Variants in ZNF26 observed in about 807,000 individuals in gnomAD.
The protein encoded by ZNF26 is epididymis luminal protein 179.
Under a neutral mutation model 54.9 loss-of-function variants are expected in ZNF26, and 32 were observed. The observed-to-expected ratio is 0.58, with a 90% CI of 0.44 to 0.78. The LOEUF is 0.78. ZNF26 is among the 30% of genes least tolerant of loss of function. The pLI, the probability that ZNF26 is intolerant of heterozygous loss-of-function variation, is 0.00. For missense variants in ZNF26, 524 were observed against 634.0 expected, an observed-to-expected ratio of 0.83 and a Z score of 1.86; for synonymous variants, 221 against 209.2, an observed-to-expected ratio of 1.06 and a Z score of -0.49.
At chr12:132,988,146 T>C (rs1186355832) in intron 1 of ZNF26, among the ~76,000 whole-genome samples, 2 of 152,176 alleles carry the variant, frequency 1.3e-5, no homozygotes, top group Non-Finnish European at 2.9e-5. Flanking sequence ...GTAGCTGGGA[T>C]TACAGGCACA....
chr12:132,989,450 A>G (rs1164830522), intron 1 of ZNF26, among the ~76,000 whole-genome samples: 1 of 152,228 alleles, frequency 6.6e-6, no homozygotes, highest in African/African-American at 2.4e-5. Flanking sequence ...AAAATGCTTA[A>G]GACCAGAATT....
At chr12:133,003,497 G>A (rs965495531) in intron 1 of ZNF26, among the ~76,000 whole-genome samples, 1 of 151,696 alleles carries the variant, frequency 6.6e-6, no homozygotes, top group African/African-American at 2.4e-5. Flanking sequence ...CTTGTGATCC[G>A]CCGCCTCGGC....
chr12:133,010,081 C>T, intron 3 of ZNF26, 55 bp from the exon 4 acceptor site: 2 of 1,513,568 alleles, frequency 1.3e-6, no homozygotes, highest in Non-Finnish European at 1.8e-6. Context: ...TGTTTAATTC[C>T]ATATCAGGTT....
In ZNF26 at chr12:133,026,146, G is replaced by C. The variant is rs1953701928; in HGVS notation, c.*14665G>C. On this transcript the variant is annotated 3_prime_UTR_variant, in exon 4 of 4. Transcript: ENST00000328654. Reference sequence around the variant, plus strand: ...TGAGATGCACTCTCACTCTTTCCCAGGCTGGAGTGCAGTGGCACGATCCTG... The same window carrying C: ...TGAGATGCACTCTCACTCTTTCCCACGCTGGAGTGCAGTGGCACGATCCTG... 6.6e-6 allele frequency: 1 copy of C among 151,442 alleles called. No homozygotes were observed. The highest frequency in any genetic ancestry group is 1.5e-5 in the Non-Finnish European group (1 of 67,984). The allele number at this position is 151,442 out of a possible 1,614,324, so 9.4% of individuals were successfully genotyped here. A position where few individuals can be genotyped will look rare whatever the true frequency, so the allele number is the denominator to read the frequency against.
intron 3 of ZNF26, among the ~76,000 whole-genome samples, chr12:133,009,085 C>T (rs1225516898): frequency 6.6e-6 from 1 of 152,130 alleles, no homozygotes; most frequent in African/African-American, 2.4e-5. Flanking sequence ...CAGGCACCTC[C>T]CACCAGGCCC....
At chr12:132,995,421 CT>C (rs1183107110) in intron 1 of ZNF26, 1 of 150,006 alleles carries the variant, frequency 6.7e-6, no homozygotes, top group Non-Finnish European at 1.5e-5. Flanking sequence ...TCCAGTTCTC[CT>C]TTTATTCACT....
intron 1 of ZNF26, among the ~76,000 whole-genome samples, chr12:132,997,253 T>C (rs1953107349): frequency 6.6e-6 from 1 of 152,142 alleles, no homozygotes. Context: ...GAACAGGGGT[T>C]AATCAGAAGC....
In ZNF26 at chr12:133,007,044, A is replaced by T; in HGVS notation, c.36A>T (p.Gly12=). The stretch of plus-strand genomic sequence containing the variant: ...GAACAGGGTGTGTGTTATTTCAGGG[A>T]TTATTGTCATTCAAGGATATATCTA... ...ATSFRTASCW[G]LLSFKDISME... The change falls in exon 2 of 4, where the codon GGA becomes GGT. Residue 12 remains glycine, a splice_region_variant and synonymous_variant. Transcript: ENST00000328654. 2 of 1,614,114 alleles carry T rather than the reference A, an allele frequency of 1.2e-6. No homozygotes were observed. Among genetic ancestry groups the T allele is most frequent in the Middle Eastern group, 1.6e-4 (1 of 6,062 alleles).
At chr12:132,997,919 C>T (rs1277861012) in intron 1 of ZNF26, among the ~76,000 whole-genome samples, 1 of 152,046 alleles carries the variant, frequency 6.6e-6, no homozygotes, top group Non-Finnish European at 1.5e-5. Context: ...CTTCTTGTAG[C>T]CAGGAAATAA....
chr12:133,004,983 A>G (rs1953292819), intron 1 of ZNF26: 1 of 151,958 alleles, frequency 6.6e-6, no homozygotes, highest in Non-Finnish European at 1.5e-5. Context: ...ATTTTCAGAC[A>G]TTTCATTACC....
intron 1 of ZNF26, among the ~76,000 whole-genome samples, chr12:132,994,181 C>T (rs1953024500): frequency 6.6e-6 from 1 of 152,216 alleles, no homozygotes; most frequent in East Asian, 1.9e-4. Flanking sequence ...CAAACATGTA[C>T]ACACCTAGCC....
chr12:133,022,419 G>A lies in ZNF26; in HGVS notation c.*10938G>A, dbSNP rs1219597335. ...GTTGGAACTGTTCAGCATCTTGAAG[G>A]TGGTTGTTGATACATGAACCTACAC... On this transcript the variant is annotated 3_prime_UTR_variant, in exon 4 of 4. Transcript: ENST00000328654. 1 of 152,066 alleles carries A rather than the reference G, an allele frequency of 6.6e-6. No individual in the cohort carries two copies. Among genetic ancestry groups the A allele is most frequent in the Non-Finnish European group, 1.5e-5 (1 of 68,010 alleles). 9.4% of individuals were successfully genotyped at this position (152,066 alleles called of 1,614,324 possible).
chr12:132,994,013 A>G (rs1016489759), intron 1 of ZNF26, among the ~76,000 whole-genome samples: 1 of 152,014 alleles, frequency 6.6e-6, no homozygotes, highest in Non-Finnish European at 1.5e-5. Context: ...GGAATTTGGT[A>G]TATCTCTCTT....
intron 3 of ZNF26, among the ~76,000 whole-genome samples, 198 bp downstream of exon 3, chr12:133,007,730 C>A (rs1347722932): frequency 6.6e-6 from 1 of 152,164 alleles, no homozygotes; most frequent in African/African-American, 2.4e-5. Flanking sequence ...TTTCTTCCCC[C>A]TTACTGTTGA....
In ZNF26 at chr12:133,001,546, G is replaced by A; in HGVS notation, c.34-5496G>A. 2 of 699,410 alleles carry A rather than the reference G, an allele frequency of 2.9e-6. No individual in the cohort carries two copies. Among genetic ancestry groups the A allele is most frequent in the South Asian group, 3.2e-5 (2 of 63,290 alleles). 43.3% of individuals were successfully genotyped at this position (699,410 alleles called of 1,614,324 possible). ...ACAGGGCTCTGCCCTGCAGTTCCAT[G>A]GTGTATGTGATTCTTTCTCTCACTG... On this transcript the variant is annotated intron_variant, in intron 1 of 3. Transcript: ENST00000328654. This position sits in a 1 kb window ranked among gnomAD's most constrained non-coding sequence, Gnocchi z 4.7.
At position 133,007,042 on chromosome 12, in the gene ZNF26, G is replaced by A; in HGVS notation, c.34G>A (p.Gly12Arg). 6 of 1,613,962 alleles carry A rather than the reference G, an allele frequency of 3.7e-6. No individual in the cohort carries two copies. The highest frequency in any genetic ancestry group is 3.3e-5 in the Admixed American group (2 of 60,002). Residue 12 changes from glycine (G) to arginine (R), a missense_variant and splice_region_variant, in exon 2 of 4, where the codon GGA (glycine) becomes AGA (arginine). Transcript: ENST00000328654. The stretch of plus-strand genomic sequence containing the variant: ...TTGAACAGGGTGTGTGTTATTTCAG[G>A]GATTATTGTCATTCAAGGATATATC... Reference protein sequence around the residue: ...ATSFRTASCWGLLSFKDISME... With the variant: ...ATSFRTASCWRLLSFKDISME...
rs940398526 is a variant in ZNF26 at position 133,001,444 on chromosome 12, A to G, written c.34-5598A>G. Among the ~76,000 whole-genome samples the G allele has an allele frequency of 6.6e-5, 10 of 152,180 alleles. No homozygotes were observed. Among genetic ancestry groups the G allele is most frequent in the African/African-American group, 2.2e-4 (9 of 41,456 alleles). ...GGAAAATCAGTGGTTAGAGAAAAAGACACAGAGTCTCCTGTTGTGCGGTGG... is the reference window on the plus strand; with the variant it reads ...GGAAAATCAGTGGTTAGAGAAAAAGGCACAGAGTCTCCTGTTGTGCGGTGG... On this transcript the variant is annotated intron_variant, in intron 1 of 3. Transcript: ENST00000328654. The surrounding 1 kb of genome is among the most constrained non-coding windows in gnomAD (Gnocchi z 4.7).
In ZNF26 at chr12:133,023,444, A is replaced by T. The variant is rs1225687929; in HGVS notation, c.*11963A>T. ...TCCAAATTCACCTAGAAATTCTTTT[A>T]TAACCTTTACACCAAATCAGGATAG... On this transcript the variant is annotated 3_prime_UTR_variant, in exon 4 of 4. Coordinates refer to ENST00000328654, the MANE Select transcript of ZNF26 (RefSeq NM_019591.4). 1.3e-5 allele frequency: 2 copies of T among 152,240 alleles called. No homozygotes were observed. The highest frequency in any genetic ancestry group is 4.8e-5 in the African/African-American group (2 of 41,468). 9.4% of individuals were successfully genotyped at this position (152,240 alleles called of 1,614,324 possible). A position where few individuals can be genotyped will look rare whatever the true frequency, so the allele number is the denominator to read the frequency against.
chr12:132,986,893 G>A lies in ZNF26; in HGVS notation c.33+20G>A. 1 of 1,600,112 alleles carries A rather than the reference G, an allele frequency of 6.2e-7. No individual in the cohort carries two copies. The highest frequency in any genetic ancestry group is 8.5e-7 in the Non-Finnish European group (1 of 1,173,136). On this transcript the variant is annotated intron_variant, in intron 1 of 3. Transcript: ENST00000328654. Reference sequence around the variant, plus strand: ...TGCTGGGTAAGTAGAGACTTTCCGTGTTTAAAATTCGACTGGATACTGAGG... The same window carrying A: ...TGCTGGGTAAGTAGAGACTTTCCGTATTTAAAATTCGACTGGATACTGAGG...
Sources: allele counts gnomAD v4.1 joint callset (sites outside exome capture counted in the v4.1 genomes callset), GRCh38; gene constraint gnomAD v4.1.1; non-coding constraint Gnocchi (gnomAD v3.1); transcripts MANE v1.5; gene names NCBI Gene and HGNC (gene_info 2026-07-23, HGNC 2026-07-21).